The following ALPK3 variants were observed in gnomAD, a reference collection of about 807,000 sequenced individuals.
ALPK3 encodes the protein alpha kinase 3.
A neutral mutation model predicts 140.0 loss-of-function variants in ALPK3; 102 were observed. The observed-to-expected ratio is 0.73, with a 90% CI of 0.62 to 0.86. The LOEUF (loss-of-function observed/expected upper bound fraction) is 0.86. Ranked by LOEUF, ALPK3 falls within the 40% of genes least tolerant of loss-of-function variation. ALPK3 has a pLI of 0.00. For synonymous variants in ALPK3, 938 were observed against 898.5 expected, an observed-to-expected ratio of 1.04 and a Z score of -0.79; for missense variants, 2,254 against 2,208.2, an observed-to-expected ratio of 1.02 and a Z score of -0.42.
intron 3 of ALPK3, among the ~76,000 whole-genome samples, chr15:84,838,292 G>A (rs1031713759): frequency 6.6e-6 from 1 of 152,210 alleles, no homozygotes; most frequent in Non-Finnish European, 1.5e-5. Flanking sequence ...GGAGACCCCT[G>A]AGGATAGAGC....
intron 5 of ALPK3, among the ~76,000 whole-genome samples, chr15:84,846,340 C>T (rs1963731243): frequency 1.3e-5 from 2 of 152,164 alleles, no homozygotes; most frequent in Admixed American, 1.3e-4. Flanking sequence ...GAAAGACAAT[C>T]AAAGAGTGCC....
At chr15:84,826,307 A>C (rs1451545352) in intron 2 of ALPK3, among the ~76,000 whole-genome samples, 1 of 152,224 alleles carries the variant, frequency 6.6e-6, no homozygotes, top group East Asian at 1.9e-4. Context: ...GAGGCCATGG[A>C]CAGACAAACA....
rs777929307 is a variant in ALPK3, at chr15:84,856,907, G to A, written c.2169G>A (p.Gln723=). 1 of 1,614,080 alleles carries A rather than the reference G, an allele frequency of 6.2e-7. No homozygotes were observed. The highest frequency in any genetic ancestry group is 1.1e-5 in the South Asian group (1 of 91,070). ...EGSAPTAMEG[Q]SEQEVATSLG... is the part of the protein sequence containing the mutation. ...GCGCGCCCACAGCCATGGAAGGTCA[G>A]TCTGAGCAAGAGGTGGCAACCAGCC... Residue 723 remains glutamine (Q), a synonymous_variant, in exon 6 of 14, where the codon CAG becomes CAA. Transcript: ENST00000258888.
Position 84,857,145 on chromosome 15 carries a change from C to G in ALPK3, c.2407C>G (p.Gln803Glu). ...GTCAGGGAACCTCATGCTCCCAGCA[C>G]AGCCGCCCCATGAGGGGAGTGTGGA... ...PLSGNLMLPA[Q>E]PPHEGSVEQV... The change falls in exon 6 of 14, where the codon CAG becomes GAG. Residue 803 changes from glutamine (Q) to glutamate (E), a missense_variant. Physicochemically the swap from Gln to Glu is conservative, Grantham distance 29. Transcript: ENST00000258888. 1 of 1,614,078 alleles carries G rather than the reference C, an allele frequency of 6.2e-7. No individual in the cohort carries two copies. Among genetic ancestry groups the G allele is most frequent in the Non-Finnish European group, 8.5e-7 (1 of 1,179,950 alleles).
chr15:84,832,352 C>G (rs529692651), intron 3 of ALPK3, among the ~76,000 whole-genome samples: 1 of 152,182 alleles, frequency 6.6e-6, no homozygotes, highest in African/African-American at 2.4e-5. Context: ...GCTCCTATTA[C>G]TCTCCTTGCC....
Position 84,858,067 on chromosome 15 carries a change from G to A in ALPK3, c.3329G>A (p.Ser1110Asn), listed in dbSNP as rs1963889183. The A allele has an allele frequency of 6.4e-7, 1 of 1,570,236 alleles. No homozygotes were observed. Among genetic ancestry groups the A allele is most frequent in the Non-Finnish European group, 8.6e-7 (1 of 1,161,508 alleles). Residue 1110 changes from serine to asparagine, a missense_variant, in exon 6 of 14, where the codon AGC (serine) becomes AAC (asparagine). Physicochemically the swap from Ser to Asn is conservative, Grantham distance 46 (BLOSUM62 1). Around this residue, in one of 3 missense-constraint regions of ALPK3, gnomAD observed 2,088 missense variants for 2,022.9 expected, o/e 1.03. Transcript: ENST00000258888. Reference sequence around the variant, plus strand: ...CTCCTGGGGGCCTCTCAGGAGAGCAGCATGGCTGGTCGACTGGGGGAGGCG... The same window carrying A: ...CTCCTGGGGGCCTCTCAGGAGAGCAACATGGCTGGTCGACTGGGGGAGGCG... ...PGLLGASQES[S>N]MAGRLGEAGG...
rs187316 is a variant in ALPK3, at chr15:84,862,764, T to C, written c.4259T>C (p.Leu1420Pro). 0.25 allele frequency: 409,309 copies of C among 1,613,838 alleles called. 55,027 individuals are homozygous for C. Among genetic ancestry groups the C allele is most frequent in the Middle Eastern group, 0.28 (1,721 of 6,062 alleles). The change falls in exon 10 of 14, where the codon CTT becomes CCT. Residue 1420 changes from leucine (L) to proline (P), a missense_variant. By Grantham distance (98) the Leu-to-Pro change is moderately conservative. Around this residue, in one of 3 missense-constraint regions of ALPK3, gnomAD observed 2,088 missense variants for 2,022.9 expected, o/e 1.03. Coordinates refer to ENST00000258888, the MANE Select transcript of ALPK3 (RefSeq NM_020778.5). ...ELRGGGYGCG[L>P]RKASQAKVIY... is the part of the protein sequence containing the mutation. ...CGAGGGGGTGGATATGGGTGTGGCC[T>C]TCGGAAGGCCTCCCAGGCCAAGGTC...
At chr15:84,821,193 C>G (rs142679639) in intron 1 of ALPK3, among the ~76,000 whole-genome samples, 249 of 152,298 alleles carry the variant, frequency 1.6e-3, no homozygotes, top group Admixed American at 3.6e-3. Context: ...ACAGGCAGGT[C>G]TCCCACCTTC....
At position 84,867,305 on chromosome 15, in the gene ALPK3, C is replaced by T. The variant is rs1226943153; in HGVS notation, c.4724-12C>T. On this transcript the variant is annotated splice_polypyrimidine_tract_variant and intron_variant, in intron 12 of 13. Coordinates refer to ENST00000258888, the MANE Select transcript of ALPK3 (RefSeq NM_020778.5). ...CAGACTGGCATCAACTCCCAACTTT[C>T]TCTCTTTTCAGGGGTTGACTGGAAG... 1.2e-6 allele frequency: 2 copies of T among 1,613,692 alleles called. No homozygotes were observed. Among genetic ancestry groups the T allele is most frequent in the Non-Finnish European group, 1.7e-6 (2 of 1,179,890 alleles).
Position 84,859,812 on chromosome 15 carries a change from G to A in ALPK3, c.4002G>A (p.Val1334=), listed in dbSNP as rs2141570675. The change falls in exon 8 of 14, where the codon GTG becomes GTA. Residue 1334 remains valine, a synonymous_variant. Coordinates refer to ENST00000258888, the MANE Select transcript of ALPK3 (RefSeq NM_020778.5). Reference sequence around the variant, plus strand: ...AGGGGCCGGCGGCCTTGGCCATCGTGCAGGCCTCCCCCGTAGACTGCGGTG... The same window carrying A: ...AGGGGCCGGCGGCCTTGGCCATCGTACAGGCCTCCCCCGTAGACTGCGGTG... ...GDEGPAALAI[V]QASPVDCGVY... The A allele has an allele frequency of 6.2e-7, 1 of 1,613,678 alleles. No individual in the cohort carries two copies. The highest frequency in any genetic ancestry group is 1.3e-5 in the African/African-American group (1 of 75,062).
intron 12 of ALPK3, 107 bp from the exon 13 acceptor site, chr15:84,867,210 C>T: frequency 9.1e-7 from 1 of 1,093,364 alleles, no homozygotes; most frequent in South Asian, 1.4e-5. Context: ...ATGTCTCCAG[C>T]AGGAAGAGAC....
At chr15:84,865,292 A>G (rs1315265300) in intron 12 of ALPK3, among the ~76,000 whole-genome samples, 2 of 152,142 alleles carry the variant, frequency 1.3e-5, no homozygotes, top group Non-Finnish European at 2.9e-5. Context: ...GAACAGAGAA[A>G]ATGCTCAGGG....
In ALPK3 at chr15:84,869,050, C is replaced by G. The variant is rs1964037112; in HGVS notation, c.*594C>G. 1 of 156,732 alleles carries G rather than the reference C, an allele frequency of 6.4e-6. No individual in the cohort carries two copies. Among genetic ancestry groups the G allele is most frequent in the Non-Finnish European group, 1.4e-5 (1 of 70,504 alleles). The allele number at this position is 156,732 out of a possible 1,614,324, so 9.7% of individuals were successfully genotyped here. Reference sequence around the variant, plus strand: ...ATGGGGCTCAGGGCCCTTCCAGAGCCTGTCATGTCCTTGTGCAGTGGCCTT... The same window carrying G: ...ATGGGGCTCAGGGCCCTTCCAGAGCGTGTCATGTCCTTGTGCAGTGGCCTT... On this transcript the variant is annotated 3_prime_UTR_variant, in exon 14 of 14. Coordinates refer to ENST00000258888, the MANE Select transcript of ALPK3 (RefSeq NM_020778.5).
At chr15:84,838,640 G>T (rs1288552712) in intron 3 of ALPK3, among the ~76,000 whole-genome samples, 2 of 65,114 alleles carry the variant, frequency 3.1e-5, no homozygotes, top group Non-Finnish European at 3.1e-5. Context: ...TATTATTATT[G>T]AGATGGAGTC....
chr15:84,829,935 A>G (rs983799437), intron 3 of ALPK3, among the ~76,000 whole-genome samples: 23 of 152,222 alleles, frequency 1.5e-4, no homozygotes, highest in African/African-American at 5.3e-4. Context: ...ACTCTTATTA[A>G]TGATAGTTTT....
chr15:84,863,816 T>G (rs1963975282), intron 11 of ALPK3, among the ~76,000 whole-genome samples, 176 bp downstream of exon 11: 1 of 152,220 alleles, frequency 6.6e-6, no homozygotes, highest in Non-Finnish European at 1.5e-5. Flanking sequence ...AGACCTCATT[T>G]ACTCTCCACT....
chr15:84,839,617 C>T, intron 4 of ALPK3, 85 bp from the exon 5 acceptor site: 2 of 1,451,236 alleles, frequency 1.4e-6, no homozygotes, highest in East Asian at 2.3e-5. Context: ...GAAGTGTGCC[C>T]GGCTCTGAAC....
rs1964042794 is a variant in ALPK3 at position 84,869,415 on chromosome 15, G to A, written c.*959G>A. ...GAGACCTTGCACTCCATACTGAAAG[G>A]AGGTGGGGTCACAGTGAATTTCACA... On this transcript the variant is annotated 3_prime_UTR_variant, in exon 14 of 14. Transcript: ENST00000258888. 1.3e-5 allele frequency: 2 copies of A among 152,320 alleles called. No individual in the cohort carries two copies. Among genetic ancestry groups the A allele is most frequent in the African/African-American group, 4.8e-5 (2 of 41,470 alleles). The allele number at this position is 152,320 out of a possible 1,614,324, so 9.4% of individuals were successfully genotyped here.
At chr15:84,852,782 G>A (rs1963819576) in intron 5 of ALPK3, among the ~76,000 whole-genome samples, 1 of 152,232 alleles carries the variant, frequency 6.6e-6, no homozygotes, top group Non-Finnish European at 1.5e-5. Context: ...GCTTTATCCT[G>A]TCAGTGATGA....
Sources: allele counts gnomAD v4.1 joint callset (sites outside exome capture counted in the v4.1 genomes callset), GRCh38; gene constraint gnomAD v4.1.1; regional missense constraint gnomAD v4.1.1; transcripts MANE v1.5; gene names NCBI Gene and HGNC (gene_info 2026-07-23, HGNC 2026-07-21).